The following TRPM3 variants were observed in gnomAD, a reference collection of about 807,000 sequenced individuals.
TRPM3 encodes the protein transient receptor potential cation channel subfamily M member 3.
TRPM3 carries 77 observed loss-of-function variants against 181.2 expected under a neutral mutation model. The ratio of observed to expected loss-of-function variants is 0.42; its 90% CI spans 0.35 to 0.51. The LOEUF (loss-of-function observed/expected upper bound fraction) is 0.51. Ranked by LOEUF, TRPM3 falls within the 20% of genes least tolerant of loss-of-function variation. TRPM3 has a pLI of 0.01. For synonymous variants in TRPM3, 745 were observed against 796.4 expected (o/e 0.94, Z 1.09); for missense variants, 1,759 against 2,196.7 (o/e 0.80, Z 3.98).
chr9:70,858,519 T>A (rs898072821), intron 3 of TRPM3, among the ~76,000 whole-genome samples: 4 of 152,134 alleles, frequency 2.6e-5, no homozygotes, highest in African/African-American at 9.7e-5. Flanking sequence ...AAGGGCAAGT[T>A]TTCAAAGTGG....
intron 1 of TRPM3, among the ~76,000 whole-genome samples, chr9:71,417,060 TTATC>T (rs1235436165): frequency 6.6e-6 from 1 of 151,998 alleles, no homozygotes; most frequent in Admixed American, 6.6e-5. Context: ...ATTCATTTGT[TTATC>T]TATTAATGGA....
rs2040667072 is a variant in TRPM3, at chr9:70,529,998, T to C, written c.*5955A>G. 1 of 152,264 alleles carries C rather than the reference T, an allele frequency of 6.6e-6. No homozygotes were observed. The highest frequency in any genetic ancestry group is 6.5e-5 in the Admixed American group (1 of 15,282). 9.4% of individuals were successfully genotyped at this position (152,264 alleles called of 1,614,324 possible). On this transcript the variant is annotated 3_prime_UTR_variant, in exon 26 of 26. Transcript: ENST00000677713. Reference sequence around the variant, plus strand: ...TTTGAATTTGCAGCCTCTCAGTCTATGTGCAGATGGCTGGTTTTAATGATG... The same window carrying C: ...TTTGAATTTGCAGCCTCTCAGTCTACGTGCAGATGGCTGGTTTTAATGATG...
intron 8 of TRPM3, among the ~76,000 whole-genome samples, chr9:70,690,742 A>G (rs1309894719): frequency 6.6e-6 from 1 of 152,154 alleles, no homozygotes; most frequent in African/African-American, 2.4e-5. Flanking sequence ...ACGAAATGAT[A>G]CAAGACTCTT....
intron 1 of TRPM3, among the ~76,000 whole-genome samples, chr9:71,019,232 T>C (rs1352909958): frequency 6.6e-6 from 1 of 152,040 alleles, no homozygotes; most frequent in Admixed American, 6.5e-5. Flanking sequence ...TCACCACTTT[T>C]GTTCAATATT....
chr9:70,956,885 C>T (rs1354894112), intron 1 of TRPM3, among the ~76,000 whole-genome samples: 1 of 151,202 alleles, frequency 6.6e-6, no homozygotes. Flanking sequence ...GACCATATCT[C>T]CCCTGCCAAA....
intron 9 of TRPM3, among the ~76,000 whole-genome samples, chr9:70,657,447 T>C (rs1357175209): frequency 1.3e-5 from 2 of 152,104 alleles, no homozygotes; most frequent in Non-Finnish European, 2.9e-5. Flanking sequence ...GCTAACAATG[T>C]TTTCTTAAAG....
intron 1 of TRPM3, among the ~76,000 whole-genome samples, chr9:71,346,783 C>G (rs7869242): frequency 1.3e-5 from 2 of 152,082 alleles, no homozygotes; most frequent in African/African-American, 2.4e-5. Context: ...CAGAAGGGAA[C>G]AGAGTAGGGG....
At chr9:71,274,253 A>G (rs796536594) in intron 1 of TRPM3, among the ~76,000 whole-genome samples, 11 of 152,200 alleles carry the variant, frequency 7.2e-5, no homozygotes, top group African/African-American at 2.4e-4. Flanking sequence ...AAAAACATCT[A>G]CTCTACAGAA....
At chr9:71,370,997 G>T (rs1299159274) in intron 1 of TRPM3, among the ~76,000 whole-genome samples, 1 of 151,954 alleles carries the variant, frequency 6.6e-6, no homozygotes, top group African/African-American at 2.4e-5. Context: ...CAAAGCCTGG[G>T]TGGCAGTACA....
chr9:71,291,191 A>T (rs2085778850), intron 1 of TRPM3, among the ~76,000 whole-genome samples: 1 of 152,164 alleles, frequency 6.6e-6, no homozygotes, highest in Admixed American at 6.6e-5. Flanking sequence ...AATTAAACTG[A>T]AATCTTAAAA....
At chr9:71,096,293 T>TA (rs200939242) in intron 1 of TRPM3, among the ~76,000 whole-genome samples, 222 of 139,120 alleles carry the variant, frequency 1.6e-3, no homozygotes, top group Middle Eastern at 3.6e-3. Context: ...TAGTTGCCTT[T>TA]AAAAAAAAAA....
intron 1 of TRPM3, among the ~76,000 whole-genome samples, chr9:71,106,980 G>A (rs1298697814): frequency 2.0e-5 from 3 of 152,146 alleles, no homozygotes; most frequent in Non-Finnish European, 2.9e-5. Flanking sequence ...ATTTGGGTTC[G>A]CCTCTGCATT....
intron 1 of TRPM3, among the ~76,000 whole-genome samples, chr9:71,204,257 C>T (rs1318915131): frequency 4.0e-5 from 6 of 150,570 alleles, no homozygotes; most frequent in Non-Finnish European, 8.9e-5. Flanking sequence ...AAAGAAACTA[C>T]CATCAGAGTG....
chr9:70,564,603 G>A (rs2050052851), intron 22 of TRPM3, among the ~76,000 whole-genome samples: 1 of 152,154 alleles, frequency 6.6e-6, no homozygotes, highest in Admixed American at 6.5e-5. Flanking sequence ...TCTTCAAGAG[G>A]GGCCTTCTTA....
At chr9:71,167,535 G>A (rs1487054089) in intron 1 of TRPM3, among the ~76,000 whole-genome samples, 1 of 151,912 alleles carries the variant, frequency 6.6e-6, no homozygotes, top group Non-Finnish European at 1.5e-5. Context: ...TTATTTATTG[G>A]TACCCCTCTG....
At chr9:71,149,260 G>T (rs146077469) in intron 1 of TRPM3, among the ~76,000 whole-genome samples, 90 of 152,090 alleles carry the variant, frequency 5.9e-4, no homozygotes, top group African/African-American at 2.0e-3. Context: ...AAAACTTGCT[G>T]GATATGGTGG....
chr9:70,647,114 T>C (rs2058987636), intron 9 of TRPM3, among the ~76,000 whole-genome samples: 2 of 151,892 alleles, frequency 1.3e-5, no homozygotes, highest in African/African-American at 4.8e-5. Flanking sequence ...ATTAGACATA[T>C]AAATAAGAGG....
intron 1 of TRPM3, among the ~76,000 whole-genome samples, chr9:71,184,785 TGCC>T (rs1472130570): frequency 6.6e-6 from 1 of 152,134 alleles, no homozygotes; most frequent in Non-Finnish European, 1.5e-5. Context: ...GGCAAGGGCC[TGCC>T]AACAGCTTTA....
At chr9:70,583,070 G>A (rs1013119998) in intron 22 of TRPM3, among the ~76,000 whole-genome samples, 4 of 152,250 alleles carry the variant, frequency 2.6e-5, no homozygotes, top group Non-Finnish European at 5.9e-5. Context: ...CCCCACCCCA[G>A]GGAACGGAAG....
Sources: gnomAD v4.1 joint callset for allele counts (sites outside exome capture counted in the v4.1 genomes callset) on GRCh38, gnomAD v4.1.1 for gene constraint, MANE v1.5 for transcripts, NCBI Gene and HGNC (gene_info 2026-07-23, HGNC 2026-07-21) for gene names.